CAD: variants seen among roughly 807,000 people sequenced by gnomAD.
The protein encoded by CAD is multifunctional protein CAD.
In CAD, 81 loss-of-function variants were observed where a neutral mutation model predicts 237.2. The ratio of observed to expected loss-of-function variants is 0.34; its 90% CI spans 0.29 to 0.41. The LOEUF is 0.41. Among genes scored for constraint, CAD ranks in the 10% least tolerant of loss-of-function variants. CAD has a pLI of 1.00. For synonymous variants in CAD, 1,196 were observed against 1,162.8 expected, an observed-to-expected ratio of 1.03 and a Z score of -0.58; for missense variants, 2,181 against 2,951.7, an observed-to-expected ratio of 0.74 and a Z score of 6.05.
Position 27,240,751 on chromosome 2 carries a change from C to T in CAD, c.5594-160C>T. 8 of 1,185,250 alleles carry T rather than the reference C, an allele frequency of 6.7e-6. No individual in the cohort carries two copies. Among genetic ancestry groups the T allele is most frequent in the Non-Finnish European group, 8.5e-6 (7 of 827,270 alleles). The allele number at this position is 1,185,250 out of a possible 1,614,324, so 73.4% of individuals were successfully genotyped here. Reference sequence around the variant, plus strand: ...CCCCATGGGAAGCCACCTGTCTGTCCCCAGAGCTGCTGCAGTCCCCTGCCC... The same window carrying T: ...CCCCATGGGAAGCCACCTGTCTGTCTCCAGAGCTGCTGCAGTCCCCTGCCC... On this transcript the variant is annotated intron_variant, in intron 35 of 43. Coordinates refer to ENST00000264705, the MANE Select transcript of CAD (RefSeq NM_004341.5). This position sits in a 1 kb window ranked among gnomAD's most constrained non-coding sequence, Gnocchi z 4.6.
Position 27,221,291 on chromosome 2 carries a change from G to A in CAD, c.296G>A (p.Ser99Asn). The change falls in exon 3 of 44, where the codon AGT becomes AAT. Residue 99 changes from serine (S) to asparagine (N), a missense_variant. Ser to Asn is a conservative substitution (Grantham distance 46, BLOSUM62 1). This residue lies in a region of CAD where 314 missense variants were observed against 339.4 expected (regional missense o/e 0.93). Coordinates refer to ENST00000264705, the MANE Select transcript of CAD (RefSeq NM_004341.5). ...GECCPTPSHW[S>N]ATRTLHEWLQ... ...TGCTGTCCTACTCCCAGCCACTGGA[G>A]TGCCACCCGCACCCTGCATGAGTGG... is the stretch of plus-strand genomic sequence containing the variant. 2 of 1,593,596 alleles carry A rather than the reference G, an allele frequency of 1.3e-6. No homozygotes were observed. The highest frequency in any genetic ancestry group is 1.1e-5 in the South Asian group (1 of 87,084).
At chr2:27,230,098 C>G (rs1163130401) in intron 15 of CAD, among the ~76,000 whole-genome samples, 1 of 151,718 alleles carries the variant, frequency 6.6e-6, no homozygotes, top group Non-Finnish European at 1.5e-5. Flanking sequence ...ATTACCCAGG[C>G]ATGGTGGCAG....
chr2:27,241,296 T>A lies in CAD; in HGVS notation c.5809-26T>A, dbSNP rs759052253. The A allele has an allele frequency of 3.8e-5, 62 of 1,613,784 alleles. No individual in the cohort carries two copies. The Admixed American group carries it at 1.0e-3, about 27-fold the overall frequency. ...TTTGGAAAGCTGGGGCTAGGACCTT[T>A]CTAGCTAACTTGGGCTCTTTCTTAG... is the stretch of plus-strand genomic sequence containing the variant. On this transcript the variant is annotated intron_variant, in intron 37 of 43. Transcript: ENST00000264705. The surrounding 1 kb of genome is among the most constrained non-coding windows in gnomAD (Gnocchi z 4.6).
At chr2:27,229,008 T>C (rs1228841216) in intron 15 of CAD, among the ~76,000 whole-genome samples, 4 of 147,772 alleles carry the variant, frequency 2.7e-5, no homozygotes, top group Non-Finnish European at 6.0e-5. Flanking sequence ...AACCTCTGCC[T>C]CCCAGGTTCA....
intron 15 of CAD, among the ~76,000 whole-genome samples, chr2:27,230,081 TAC>T (rs1675662505): frequency 6.7e-6 from 1 of 148,886 alleles, no homozygotes; most frequent in Non-Finnish European, 1.5e-5. Context: ...CTACTAAAAA[TAC>T]AAAAATTACC....
chr2:27,237,629 C>T lies in CAD; in HGVS notation c.4563+84C>T. ...GCTTCCCTGAGCCCTTTTCCTTCTG[C>T]CCCGCCCTATGGGCCCAGGCCACTG... On this transcript the variant is annotated intron_variant, in intron 28 of 43. Coordinates refer to ENST00000264705, the MANE Select transcript of CAD (RefSeq NM_004341.5). This position sits in a 1 kb window ranked among gnomAD's most constrained non-coding sequence, Gnocchi z 4.0. The T allele has an allele frequency of 6.4e-7, 1 of 1,574,522 alleles. No individual in the cohort carries two copies. The highest frequency in any genetic ancestry group is 8.6e-7 in the Non-Finnish European group (1 of 1,157,764).
Position 27,239,247 on chromosome 2 carries a change from C to T in CAD, c.5253+15C>T, listed in dbSNP as rs781199751. ...CCTATGTGGAGGTGTGGGGATGAGG[C>T]CCAGAGCAGGAGGGGGGCTCTCCAG... On this transcript the variant is annotated intron_variant, in intron 32 of 43. Transcript: ENST00000264705. The surrounding 1 kb of genome is among the most constrained non-coding windows in gnomAD (Gnocchi z 4.0). The T allele has an allele frequency of 3.1e-6, 5 of 1,600,830 alleles. No individual in the cohort carries two copies. Among genetic ancestry groups the T allele is most frequent in the Non-Finnish European group, 3.4e-6 (4 of 1,170,326 alleles).
chr2:27,228,444 A>G (rs1675547237), intron 15 of CAD, among the ~76,000 whole-genome samples: 1 of 152,248 alleles, frequency 6.6e-6, no homozygotes, highest in Admixed American at 6.5e-5. Context: ...CATCATATCC[A>G]GTCCAGGCAC....
rs1676030082 is a variant in CAD, at chr2:27,236,772, C to T, written c.4338C>T (p.Ala1446=). The stretch of plus-strand genomic sequence containing the variant: ...AGGCCCTAGGCCAGATCGGGCCAGC[C>T]CCTCCTTTGAAGGTGCATGTTGACT... ...FVEALGQIGP[A]PPLKVHVDCM... The change falls in exon 27 of 44, where the codon GCC becomes GCT. Residue 1446 remains alanine, a synonymous_variant. Transcript: ENST00000264705. This position sits in a 1 kb window ranked among gnomAD's most constrained non-coding sequence, Gnocchi z 4.1. 4.3e-6 allele frequency: 7 copies of T among 1,613,994 alleles called. No homozygotes were observed. The highest frequency in any genetic ancestry group is 5.9e-6 in the Non-Finnish European group (7 of 1,180,014).
rs751100657 is a variant in CAD, at chr2:27,234,031, C to G, written c.3423C>G (p.Ala1141=). ...AGGAGATTGACGTGGATGCCGTGGC[C>G]TCTGATGGTGTGGTGGCAGCCATCG... ...EAKEIDVDAV[A]SDGVVAAIAI... The change falls in exon 22 of 44, where the codon GCC becomes GCG. Residue 1141 remains alanine, a synonymous_variant. Transcript: ENST00000264705. 3.7e-6 allele frequency: 6 copies of G among 1,614,042 alleles called. No individual in the cohort carries two copies. Among genetic ancestry groups the G allele is most frequent in the Non-Finnish European group, 4.2e-6 (5 of 1,179,984 alleles).
At position 27,225,060 on chromosome 2, in the gene CAD, G is replaced by A; in HGVS notation, c.1437G>A (p.Gln479=). 6.2e-7 allele frequency: 1 copy of A among 1,613,762 alleles called. No homozygotes were observed. Among genetic ancestry groups the A allele is most frequent in the Non-Finnish European group, 8.5e-7 (1 of 1,179,680 alleles). The change falls in exon 11 of 44, where the codon CAG becomes CAA. Residue 479 remains glutamine, a synonymous_variant. Transcript: ENST00000264705. ...PDGVLLTFGG[Q]TALNCGVELT... ...GTGTGTTACTGACTTTTGGGGGCCAGACTGCTCTGAACTGTGGTGTGGAGC... is the reference window on the plus strand; with the variant it reads ...GTGTGTTACTGACTTTTGGGGGCCAAACTGCTCTGAACTGTGGTGTGGAGC...
In CAD at chr2:27,232,160, G is replaced by T; in HGVS notation, c.2581G>T (p.Asp861Tyr). Residue 861 changes from aspartate (D) to tyrosine (Y), a missense_variant, in exon 17 of 44, where the codon GAC (aspartate) becomes TAC (tyrosine). Physicochemically the swap from Asp to Tyr is radical, Grantham distance 160. Transcript: ENST00000264705. The surrounding 1 kb of genome is among the most constrained non-coding windows in gnomAD (Gnocchi z 4.1). ...ACACCGTGGACAGCCTTTGCCGCCAGACCTGCTGCAACAGGCCAAGTGTCT... is the reference window on the plus strand; with the variant it reads ...ACACCGTGGACAGCCTTTGCCGCCATACCTGCTGCAACAGGCCAAGTGTCT... ...EQHRGQPLPPDLLQQAKCLGF... is the reference protein window; with the variant it reads ...EQHRGQPLPPYLLQQAKCLGF... 6.2e-7 allele frequency: 1 copy of T among 1,614,256 alleles called. No homozygotes were observed. The highest frequency in any genetic ancestry group is 8.5e-7 in the Non-Finnish European group (1 of 1,180,056).
At position 27,239,810 on chromosome 2, in the gene CAD, A is replaced by G; in HGVS notation, c.5496+12A>G. On this transcript the variant is annotated intron_variant, in intron 34 of 43. Coordinates refer to ENST00000264705, the MANE Select transcript of CAD (RefSeq NM_004341.5). This position sits in a 1 kb window ranked among gnomAD's most constrained non-coding sequence, Gnocchi z 4.0. Reference sequence around the variant, plus strand: ...GTGAGATGACCACGGTATCCACACTACTGGGCTAGGGGGCTGGGAGGTGTT... The same window carrying G: ...GTGAGATGACCACGGTATCCACACTGCTGGGCTAGGGGGCTGGGAGGTGTT... 6.6e-7 allele frequency: 1 copy of G among 1,522,414 alleles called. No homozygotes were observed. Among genetic ancestry groups the G allele is most frequent in the African/African-American group, 1.4e-5 (1 of 71,986 alleles). The allele number at this position is 1,522,414 out of a possible 1,614,324, so 94.3% of individuals were successfully genotyped here. A position where few individuals can be genotyped will look rare whatever the true frequency, so the allele number is the denominator to read the frequency against.
At chr2:27,243,053 G>T in intron 42 of CAD, 80 bp downstream of exon 42, 1 of 1,381,518 alleles carries the variant, frequency 7.2e-7, no homozygotes, top group Non-Finnish European at 1.0e-6. Context: ...TGGGCTGAGG[G>T]CTGGGTCAGA....
At position 27,226,844 on chromosome 2, in the gene CAD, AG is replaced by A. The variant is rs755944287; in HGVS notation, c.2174del (p.Gly725ValfsTer14). On this transcript the variant is annotated frameshift_variant, in exon 15 of 44. Coordinates refer to ENST00000264705, the MANE Select transcript of CAD (RefSeq NM_004341.5). LOFTEE classifies it high-confidence loss of function. ...TGCTGGACCCCAGGAACTCTGTGAC[AG>A]GGGGTACAGCAGCCTTTGAACCCAG... ...PLPELRNSVT[G>X]GTAAFEPSVD... The A allele has an allele frequency of 6.2e-7, 1 of 1,614,158 alleles. No homozygotes were observed. The highest frequency in any genetic ancestry group is 8.5e-7 in the Non-Finnish European group (1 of 1,179,994).
chr2:27,227,071 G>A (rs1675478244), intron 15 of CAD, 109 bp downstream of exon 15: 3 of 914,238 alleles, frequency 3.3e-6, no homozygotes, highest in Non-Finnish European at 5.2e-6. Flanking sequence ...GCAGGTGCTT[G>A]AGACATTTCA....
intron 5 of CAD, 91 bp downstream of exon 5, chr2:27,222,751 T>C (rs1245560511): frequency 1.9e-5 from 30 of 1,577,592 alleles, no homozygotes; most frequent in Non-Finnish European, 2.6e-5. Context: ...CAGTAGGAGT[T>C]GCAGTGAAGA....
rs749533143 is a variant in CAD, at chr2:27,240,402, C to T, written c.5593+41C>T. 9.5e-6 allele frequency: 15 copies of T among 1,576,968 alleles called. No individual in the cohort carries two copies. Among genetic ancestry groups the T allele is most frequent in the East Asian group, 2.2e-5 (1 of 44,676 alleles). On this transcript the variant is annotated intron_variant, in intron 35 of 43. Transcript: ENST00000264705. The surrounding 1 kb of genome is among the most constrained non-coding windows in gnomAD (Gnocchi z 4.6). ...CTGTGACTCAGAGACTGTGTAGGGA[C>T]AGGATCCACTTCTTCCCAGTGCCTC...
At position 27,237,313 on chromosome 2, in the gene CAD, C is replaced by G; in HGVS notation, c.4397-66C>G. 6.5e-7 allele frequency: 1 copy of G among 1,533,652 alleles called. No homozygotes were observed. The highest frequency in any genetic ancestry group is 2.3e-5 in the East Asian group (1 of 44,440). On this transcript the variant is annotated intron_variant, in intron 27 of 43. Coordinates refer to ENST00000264705, the MANE Select transcript of CAD (RefSeq NM_004341.5). The surrounding 1 kb of genome is among the most constrained non-coding windows in gnomAD (Gnocchi z 4.0). Reference sequence around the variant, plus strand: ...TGCTAGGATTACAGGCGTGAGCCACCATGTCCAGCTCACCCTTCCTATTTC... The same window carrying G: ...TGCTAGGATTACAGGCGTGAGCCACGATGTCCAGCTCACCCTTCCTATTTC...
Sources: gnomAD v4.1 joint callset for allele counts (sites outside exome capture counted in the v4.1 genomes callset) on GRCh38, gnomAD v4.1.1 for gene constraint, gnomAD v4.1.1 regional missense constraint, Gnocchi (gnomAD v3.1) non-coding constraint, MANE v1.5 for transcripts, NCBI Gene and HGNC (gene_info 2026-07-23, HGNC 2026-07-21) for gene names.